The following CLK3 variants were observed in gnomAD, a reference collection of about 807,000 sequenced individuals.
CLK3 encodes CDC like kinase 3.
CLK3 carries 24 observed loss-of-function variants against 65.2 expected under a neutral mutation model. The ratio of observed to expected loss-of-function variants is 0.37; its 90% confidence interval spans 0.27 to 0.52. The LOEUF (loss-of-function observed/expected upper bound fraction) is 0.52, where lower values mean the gene tolerates loss of function less well. Among genes scored for constraint, CLK3 ranks in the 20% least tolerant of loss-of-function variants. The pLI, the probability that CLK3 is intolerant of heterozygous loss-of-function variation, is 0.92. For missense variants in CLK3, 506 were observed against 660.0 expected (o/e 0.77, Z 2.56); for synonymous variants, 252 against 240.8 (o/e 1.05, Z -0.43).
rs139147245 is a variant in CLK3, at chr15:74,629,802, C to G, written c.1392C>G (p.Ala464=). ...ACCCTGCCCAGCGCATCACACTGGCCGAGGCCCTGCTGCACCCCTTCTTTG... is the reference window on the plus strand; with the variant it reads ...ACCCTGCCCAGCGCATCACACTGGCGGAGGCCCTGCTGCACCCCTTCTTTG... ...EFDPAQRITL[A]EALLHPFFAG... is the part of the protein sequence containing the mutation. The change falls in exon 13 of 13, where the codon GCC becomes GCG. Residue 464 remains alanine (A), a synonymous_variant. Coordinates refer to ENST00000395066, the MANE Select transcript of CLK3 (RefSeq NM_001130028.2). 1.2e-6 allele frequency: 2 copies of G among 1,613,150 alleles called. No homozygotes were observed. The highest frequency in any genetic ancestry group is 1.7e-6 in the Non-Finnish European group (2 of 1,179,652).
At chr15:74,619,869 C>T (rs959010707) in intron 2 of CLK3, 140 bp from the exon 3 acceptor site, 3 of 1,406,976 alleles carry the variant, frequency 2.1e-6, no homozygotes, top group Non-Finnish European at 2.9e-6. Context: ...ACCCTCCCCT[C>T]TCTGCCCACT....
upstream of CLK3, among the ~76,000 whole-genome samples, chr15:74,612,096 G>A (rs909290908): frequency 4.6e-5 from 7 of 152,202 alleles, no homozygotes; most frequent in Non-Finnish European, 5.9e-5. Flanking sequence ...CTGGGGAGGC[G>A]CAGCAGGCAC....
At chr15:74,615,203 G>GCTCCACA, upstream of CLK3, 1 of 392,408 alleles carries the variant, frequency 2.5e-6, no homozygotes, top group Non-Finnish European at 4.5e-6. Context: ...TCCACAGGAG[G>GCTCCACA]GGGCTCAAGG....
At position 74,622,638 on chromosome 15, in the gene CLK3, G is replaced by C; in HGVS notation, c.533+78G>C. ...AGCTGGCCTGAGGTTCTTGAGGGTG[G>C]CAGCTATCAGAGCTTAACTTTTTTC... On this transcript the variant is annotated intron_variant, in intron 5 of 12. Coordinates refer to ENST00000395066, the MANE Select transcript of CLK3 (RefSeq NM_001130028.2). The surrounding 1 kb of genome is among the most constrained non-coding windows in gnomAD (Gnocchi z 4.6). 8.7e-7 allele frequency: 1 copy of C among 1,155,586 alleles called. No individual in the cohort carries two copies. The highest frequency in any genetic ancestry group is 1.5e-5 in the South Asian group (1 of 66,556). 71.6% of individuals were successfully genotyped at this position (1,155,586 alleles called of 1,614,324 possible). A position where few individuals can be genotyped will look rare whatever the true frequency, so the allele number is the denominator to read the frequency against.
chr15:74,627,451 T>G lies in CLK3; in HGVS notation c.912+5T>G. On this transcript the variant is annotated splice_donor_5th_base_variant and intron_variant, in intron 8 of 12. Transcript: ENST00000395066. The surrounding 1 kb of genome is among the most constrained non-coding windows in gnomAD (Gnocchi z 4.3). ...ACCCTCTACAATGAGCACAAGGTAT[T>G]GGTGGGGGTAAGGGTGAGGCCCTGT... 1 of 1,614,088 alleles carries G rather than the reference T, an allele frequency of 6.2e-7. No homozygotes were observed. The highest frequency in any genetic ancestry group is 8.5e-7 in the Non-Finnish European group (1 of 1,179,914).
At chr15:74,619,841 C>A (rs959016606) in intron 2 of CLK3, 168 bp from the exon 3 acceptor site, 4 of 1,066,740 alleles carry the variant, frequency 3.7e-6, no homozygotes, top group Non-Finnish European at 2.6e-6. Context: ...CTCTGGAGGG[C>A]GGGCTTAGTA....
chr15:74,615,796 A>C (rs1205466084), upstream of CLK3: 1 of 1,242,632 alleles, frequency 8.0e-7, no homozygotes, highest in Non-Finnish European at 1.0e-6. Context: ...CGGCTGCGTC[A>C]CGCGAGGGGG....
In CLK3 at chr15:74,622,262, C is replaced by T. The variant is rs370382489; in HGVS notation, c.466+46C>T. 6 of 1,565,566 alleles carry T rather than the reference C, an allele frequency of 3.8e-6. No individual in the cohort carries two copies. Among genetic ancestry groups the T allele is most frequent in the South Asian group, 1.1e-5 (1 of 87,604 alleles). ...ACTTTACCTCTCTACTTTCTACCCC[C>T]CTTGTTAGACGAGACCTCTCCTGCC... On this transcript the variant is annotated intron_variant, in intron 4 of 12. Transcript: ENST00000395066. The surrounding 1 kb of genome is among the most constrained non-coding windows in gnomAD (Gnocchi z 4.6).
At position 74,627,265 on chromosome 15, in the gene CLK3, C is replaced by G. The variant is rs2062150812; in HGVS notation, c.818-87C>G. 1.9e-6 allele frequency: 2 copies of G among 1,027,446 alleles called. No individual in the cohort carries two copies. The highest frequency in any genetic ancestry group is 3.1e-6 in the Non-Finnish European group (2 of 649,364). 63.6% of individuals were successfully genotyped at this position (1,027,446 alleles called of 1,614,324 possible). A position where few individuals can be genotyped will look rare whatever the true frequency, so the allele number is the denominator to read the frequency against. ...GGGGTGTGAGGACCTCTGGCAGTTG[C>G]TGGCATTGGAAGAGGGGTCTGGCCT... is the stretch of plus-strand genomic sequence containing the variant. On this transcript the variant is annotated intron_variant, in intron 7 of 12. Transcript: ENST00000395066. This position sits in a 1 kb window ranked among gnomAD's most constrained non-coding sequence, Gnocchi z 4.3.
Position 74,621,736 on chromosome 15 carries a change from GGA to G in CLK3, c.370-379_370-378del, listed in dbSNP as rs2062105146. The G allele has an allele frequency of 2.8e-6, 1 of 353,788 alleles. No homozygotes were observed. 21.9% of individuals were successfully genotyped at this position (353,788 alleles called of 1,614,324 possible). On this transcript the variant is annotated intron_variant, in intron 3 of 12. Transcript: ENST00000395066. The surrounding 1 kb of genome is among the most constrained non-coding windows in gnomAD (Gnocchi z 4.8). ...AAAGCCACATGGGAGGGTCTGGGAGGGAGAGACTCGGAGGAGGAGGAGGAGGG... is the reference window on the plus strand; with the variant it reads ...AAAGCCACATGGGAGGGTCTGGGAGGGAGACTCGGAGGAGGAGGAGGAGGG...
chr15:74,629,536 G>T (rs1596292951), intron 12 of CLK3, 171 bp from the exon 13 acceptor site: 3 of 608,598 alleles, frequency 4.9e-6, no homozygotes, highest in South Asian at 2.0e-5. Flanking sequence ...CGTTAAACAG[G>T]CATGAAAGGA....
At chr15:74,613,497 A>G (rs1348055656), upstream of CLK3, 1 of 152,230 alleles carries the variant, frequency 6.6e-6, no homozygotes, top group Non-Finnish European at 1.5e-5. Context: ...AATCTCAGGC[A>G]GGATGGCCTC....
At position 74,615,911 on chromosome 15, in the gene CLK3, T is replaced by C. The variant is rs1442614757; in HGVS notation, c.-1+13T>C. 4.0e-6 allele frequency: 5 copies of C among 1,247,318 alleles called. No individual in the cohort carries two copies. The East Asian group carries it at 1.5e-4, about 39-fold the overall frequency. The allele number at this position is 1,247,318 out of a possible 1,614,324, so 77.3% of individuals were successfully genotyped here. A position where few individuals can be genotyped will look rare whatever the true frequency, so the allele number is the denominator to read the frequency against. ...AGCCTGGGAGACGGTAAGTGTGGGCTGGGGTCCGCGGCGGCGACAGCGGCG... is the reference window on the plus strand; with the variant it reads ...AGCCTGGGAGACGGTAAGTGTGGGCCGGGGTCCGCGGCGGCGACAGCGGCG... On this transcript the variant is annotated intron_variant, in intron 1 of 12. Coordinates refer to ENST00000395066, the MANE Select transcript of CLK3 (RefSeq NM_001130028.2).
intron 3 of CLK3, chr15:74,620,703 CA>C (rs1334201358): frequency 6.3e-6 from 1 of 159,574 alleles, no homozygotes; most frequent in Non-Finnish European, 1.4e-5. Flanking sequence ...CAAAGGCCCC[CA>C]GTCTGGAGTG....
At chr15:74,629,387 G>T in intron 12 of CLK3, 1 of 531,582 alleles carries the variant, frequency 1.9e-6, no homozygotes, top group East Asian at 3.4e-5. Flanking sequence ...TGGCCAGGAA[G>T]CCTCTGTCAA....
At chr15:74,619,929 T>G in intron 2 of CLK3, 80 bp from the exon 3 acceptor site, 1 of 1,597,970 alleles carries the variant, frequency 6.3e-7, no homozygotes, top group Admixed American at 1.7e-5. Context: ...TTTAGCCCTT[T>G]ACAGTGGCCT....
chr15:74,629,062 C>T (rs1294900497), intron 12 of CLK3, 30 bp downstream of exon 12: 1 of 1,529,970 alleles, frequency 6.5e-7, no homozygotes, highest in African/African-American at 1.4e-5. Context: ...CAGCTGAACT[C>T]ATGCCAAGGA....
upstream of CLK3, among the ~76,000 whole-genome samples, chr15:74,613,864 C>A (rs1347481516): frequency 6.6e-6 from 1 of 152,164 alleles, no homozygotes; most frequent in Non-Finnish European, 1.5e-5. Flanking sequence ...CGAGATGGAA[C>A]CTGGCTAGTG....
At chr15:74,615,039 G>A (rs781387136), upstream of CLK3, 74 of 187,902 alleles carry the variant, frequency 3.9e-4, no homozygotes, top group Non-Finnish European at 6.9e-4. Flanking sequence ...TGTCCGACCC[G>A]GCGCGGGACA....
Sources: allele counts gnomAD v4.1 joint callset (sites outside exome capture counted in the v4.1 genomes callset), GRCh38; gene constraint gnomAD v4.1.1; non-coding constraint Gnocchi (gnomAD v3.1); transcripts MANE v1.5; gene names NCBI Gene and HGNC (gene_info 2026-07-23, HGNC 2026-07-21).